CWF19L1: variants seen among roughly 807,000 people sequenced by gnomAD.
CWF19L1 encodes CWF19 like cell cycle control factor 1.
A neutral mutation model predicts 69.7 loss-of-function variants in CWF19L1; 60 were observed. That is an observed-to-expected ratio of 0.86 (90% CI 0.70 to 1.07). The LOEUF (loss-of-function observed/expected upper bound fraction) is 1.07. Ranked by LOEUF, CWF19L1 falls within the 50% of genes least tolerant of loss-of-function variation. CWF19L1 has a pLI of 0.00. For missense variants in CWF19L1, 591 were observed against 638.9 expected (o/e 0.92, Z 0.81); for synonymous variants, 209 against 222.2 (o/e 0.94, Z 0.53).
At position 100,246,871 on chromosome 10, in the gene CWF19L1, G is replaced by A. The variant is rs749224368; in HGVS notation, c.773C>T (p.Pro258Leu). The change falls in exon 8 of 14, where the codon CCT becomes CTT. Residue 258 changes from proline to leucine, a missense_variant. Coordinates refer to ENST00000354105, the MANE Select transcript of CWF19L1 (RefSeq NM_018294.6). ...LMDAAELVKQ[P>L]PDVTENPYRK... The stretch of plus-strand genomic sequence containing the variant: ...GTAAGGGTTTTCAGTGACATCCGGA[G>A]GCTGTTTTACCAGTTCTGCTGCATC... 48 of 1,613,916 alleles carry A rather than the reference G, an allele frequency of 3.0e-5. No individual in the cohort carries two copies. Among genetic ancestry groups the A allele is most frequent in the African/African-American group, 5.3e-5 (4 of 74,912 alleles).
In CWF19L1 at chr10:100,246,825, T is replaced by G; in HGVS notation, c.819A>C (p.Ala273=). The G allele has an allele frequency of 6.2e-7, 1 of 1,614,086 alleles. No individual in the cohort carries two copies. Among genetic ancestry groups the G allele is most frequent in the Non-Finnish European group, 8.5e-7 (1 of 1,179,940 alleles). The change falls in exon 8 of 14, where the codon GCA becomes GCC. Residue 273 remains alanine, a synonymous_variant. Transcript: ENST00000354105. ...ENPYRKSGQE[A]SIGKQILAPV... is the part of the protein sequence containing the mutation. ...GGGCAAGAATTTGCTTTCCTATGGA[T>G]GCTTCCTGCCCAGATTTTCTGTAAG...
chr10:100,233,192 TC>T lies in CWF19L1; in HGVS notation c.*34del. The T allele has an allele frequency of 6.4e-7, 1 of 1,557,554 alleles. No individual in the cohort carries two copies. On this transcript the variant is annotated 3_prime_UTR_variant, in exon 14 of 14. Transcript: ENST00000354105. ...AAAAAAAAAAAAAAGCTTTACTACT[TC>T]CTGTGGAGTTCATAAAAAGTTCTTC...
At chr10:100,233,474 G>T in intron 13 of CWF19L1, 103 bp from the exon 14 acceptor site, 1 of 1,109,404 alleles carries the variant, frequency 9.0e-7, no homozygotes, top group Non-Finnish European at 1.3e-6. Context: ...TTGCTCTCCT[G>T]CCCTGAGTGC....
intron 7 of CWF19L1, chr10:100,248,587 G>A (rs1218529679): frequency 4.1e-6 from 3 of 738,164 alleles, no homozygotes; most frequent in Non-Finnish European, 7.5e-6. Flanking sequence ...GACCAGCATT[G>A]AAGAGGATTA....
chr10:100,259,121 A>G (rs1420713956), intron 4 of CWF19L1, among the ~76,000 whole-genome samples: 4 of 151,666 alleles, frequency 2.6e-5, no homozygotes, highest in African/African-American at 9.7e-5. Context: ...GAATCACTTG[A>G]ACCAGGGAGT....
chr10:100,251,155 C>G (rs993291305), intron 6 of CWF19L1, among the ~76,000 whole-genome samples: 1 of 152,156 alleles, frequency 6.6e-6, no homozygotes, highest in Non-Finnish European at 1.5e-5. Context: ...GCATTTTGAG[C>G]TATTATGAAT....
intron 10 of CWF19L1, among the ~76,000 whole-genome samples, chr10:100,239,007 A>C (rs1846550630): frequency 1.4e-5 from 2 of 145,418 alleles, no homozygotes; most frequent in African/African-American, 2.6e-5. Context: ...ACCCCCGAAT[A>C]TACTCCTTGG....
At chr10:100,247,616 T>C (rs7916126) in intron 7 of CWF19L1, among the ~76,000 whole-genome samples, 32,216 of 152,158 alleles carry the variant, frequency 0.21, 6,344 homozygotes, top group African/African-American at 0.52. Context: ...TGACGTGGGC[T>C]GGGGGTGGCG....
chr10:100,247,234 C>G (rs1307366245), intron 7 of CWF19L1, among the ~76,000 whole-genome samples: 1 of 152,200 alleles, frequency 6.6e-6, no homozygotes, highest in African/African-American at 2.4e-5. Flanking sequence ...CTACAAGGCC[C>G]AGAGGGACTT....
At chr10:100,255,263 A>C (rs956102382) in intron 5 of CWF19L1, among the ~76,000 whole-genome samples, 1 of 152,224 alleles carries the variant, frequency 6.6e-6, no homozygotes, top group African/African-American at 2.4e-5. Context: ...TCACGCCTGT[A>C]ATCCCAGCAC....
intron 1 of CWF19L1, among the ~76,000 whole-genome samples, chr10:100,265,772 C>T (rs1256609097): frequency 1.3e-5 from 2 of 152,122 alleles, no homozygotes; most frequent in East Asian, 1.9e-4. Context: ...CCACCCACCT[C>T]GGCCTCCCAA....
At chr10:100,247,491 C>T (rs190122238) in intron 7 of CWF19L1, among the ~76,000 whole-genome samples, 36 of 152,224 alleles carry the variant, frequency 2.4e-4, no homozygotes, top group Admixed American at 1.9e-3. Flanking sequence ...CCACAGATAT[C>T]GAAAACTTTA....
intron 1 of CWF19L1, among the ~76,000 whole-genome samples, chr10:100,263,140 C>T (rs79775371): frequency 0.088 from 13,340 of 152,162 alleles, 1,157 homozygotes; most frequent in African/African-American, 0.22. Flanking sequence ...CCTTCTCTTC[C>T]TCCTGTCCAT....
At chr10:100,265,995 A>G (rs1031469107) in intron 1 of CWF19L1, among the ~76,000 whole-genome samples, 9 of 152,130 alleles carry the variant, frequency 5.9e-5, no homozygotes, top group Non-Finnish European at 8.8e-5. Context: ...TGTTCGCACA[A>G]TGACGAAATC....
intron 10 of CWF19L1, among the ~76,000 whole-genome samples, chr10:100,240,730 C>A (rs1356184509): frequency 1.3e-5 from 2 of 152,086 alleles, no homozygotes; most frequent in Non-Finnish European, 2.9e-5. Context: ...TGATCTTGAA[C>A]CTATTGAAGC....
intron 11 of CWF19L1, among the ~76,000 whole-genome samples, chr10:100,237,519 A>G (rs1297690818): frequency 2.0e-5 from 3 of 152,206 alleles, no homozygotes; most frequent in Admixed American, 2.0e-4. Context: ...GTTTACATGT[A>G]CTGACCACAC....
At chr10:100,249,194 T>A in intron 7 of CWF19L1, 1 of 293,642 alleles carries the variant, frequency 3.4e-6, no homozygotes, top group Non-Finnish European at 6.5e-6. Flanking sequence ...TGGCTTAAAG[T>A]GAAGGAAATA....
intron 10 of CWF19L1, among the ~76,000 whole-genome samples, chr10:100,238,606 A>G (rs925364873): frequency 6.6e-6 from 1 of 152,082 alleles, no homozygotes; most frequent in African/African-American, 2.4e-5. Context: ...ATCACCCTCA[A>G]CCACAAAAAG....
intron 8 of CWF19L1, 123 bp downstream of exon 8, chr10:100,246,672 T>C (rs4919438): frequency 0.51 from 511,783 of 996,910 alleles, 134,240 homozygotes; most frequent in African/African-American, 0.72. Flanking sequence ...TTTCTAAACA[T>C]CATCATGATT....
Sources: allele counts gnomAD v4.1 joint callset (sites outside exome capture counted in the v4.1 genomes callset), GRCh38; gene constraint gnomAD v4.1.1; transcripts MANE v1.5; gene names NCBI Gene and HGNC (gene_info 2026-07-23, HGNC 2026-07-21).